The following ANKS1B variants were observed in gnomAD, a reference collection of about 807,000 sequenced individuals.
The protein encoded by ANKS1B is ankyrin repeat and sterile alpha motif domain-containing protein 1B.
Under a neutral mutation model 148.3 loss-of-function variants are expected in ANKS1B, and 36 were observed. That is an observed-to-expected ratio of 0.24 (90% CI 0.19 to 0.32). The LOEUF (loss-of-function observed/expected upper bound fraction) is 0.32, where lower values mean the gene tolerates loss of function less well. Ranked by LOEUF, ANKS1B falls within the 10% of genes least tolerant of loss-of-function variation. The pLI is 1.00. For synonymous variants in ANKS1B, 542 were observed against 560.8 expected, an observed-to-expected ratio of 0.97 and a Z score of 0.47; for missense variants, 1,157 against 1,542.6, an observed-to-expected ratio of 0.75 and a Z score of 4.19.
chr12:99,684,035 C>T (rs1376441216), intron 8 of ANKS1B, among the ~76,000 whole-genome samples: 4 of 151,932 alleles, frequency 2.6e-5, no homozygotes, highest in Admixed American at 1.3e-4. Flanking sequence ...GAGCATTCCC[C>T]CTGAGACCTG....
At chr12:98,970,725 G>A (rs2099882433) in intron 17 of ANKS1B, among the ~76,000 whole-genome samples, 1 of 152,116 alleles carries the variant, frequency 6.6e-6, no homozygotes, top group African/African-American at 2.4e-5. Flanking sequence ...ATATGAAATG[G>A]CTTAGAATGG....
intron 17 of ANKS1B, among the ~76,000 whole-genome samples, chr12:98,887,920 T>C (rs1402527676): frequency 6.6e-6 from 1 of 152,226 alleles, no homozygotes; most frequent in Admixed American, 6.5e-5. Context: ...TAAATTTTAA[T>C]AATTTTTATT....
intron 1 of ANKS1B, among the ~76,000 whole-genome samples, chr12:99,868,218 G>A (rs2153724980): frequency 6.6e-6 from 1 of 152,300 alleles, no homozygotes; most frequent in East Asian, 1.9e-4. Flanking sequence ...TAAATGGAAT[G>A]AGTAAGAAAA....
chr12:99,436,493 A>G (rs1229877187), intron 11 of ANKS1B, among the ~76,000 whole-genome samples: 2 of 151,964 alleles, frequency 1.3e-5, no homozygotes, highest in Non-Finnish European at 2.9e-5. Flanking sequence ...AACCCAATAC[A>G]ATATTCTGTA....
intron 11 of ANKS1B, among the ~76,000 whole-genome samples, chr12:99,429,916 A>T (rs1352035318): frequency 6.6e-6 from 1 of 152,136 alleles, no homozygotes; most frequent in Non-Finnish European, 1.5e-5. Flanking sequence ...GTGAGCCAAG[A>T]TCGTGTCACT....
At chr12:99,841,854 G>A in intron 1 of ANKS1B, among the ~76,000 whole-genome samples, 1 of 151,674 alleles carries the variant, frequency 6.6e-6, no homozygotes, top group Non-Finnish European at 1.5e-5. Flanking sequence ...CCAGTGTTCT[G>A]TATTATTTTT....
intron 8 of ANKS1B, among the ~76,000 whole-genome samples, chr12:99,675,430 TA>T (rs1226927802): frequency 6.6e-6 from 1 of 151,990 alleles, no homozygotes; most frequent in East Asian, 1.9e-4. Flanking sequence ...GTCATTTTAT[TA>T]TTTTAATATG....
chr12:99,883,247 G>T (rs1340227148), intron 1 of ANKS1B, among the ~76,000 whole-genome samples: 1 of 152,030 alleles, frequency 6.6e-6, no homozygotes, highest in East Asian at 1.9e-4. Flanking sequence ...ATGATCAATG[G>T]GTTTTTGACG....
At chr12:99,526,294 C>G (rs1040339644) in intron 9 of ANKS1B, among the ~76,000 whole-genome samples, 1 of 152,170 alleles carries the variant, frequency 6.6e-6, no homozygotes, top group Admixed American at 6.5e-5. Context: ...GATCTTTAGA[C>G]AGCATGGACT....
chr12:99,724,048 T>G (rs1453991025), intron 8 of ANKS1B, among the ~76,000 whole-genome samples: 4 of 145,764 alleles, frequency 2.7e-5, no homozygotes, highest in African/African-American at 1.0e-4. Context: ...TGAGAAAGGA[T>G]CAACAAAAAA....
intron 17 of ANKS1B, among the ~76,000 whole-genome samples, chr12:99,033,915 C>T (rs577366827): frequency 6.6e-6 from 1 of 152,290 alleles, no homozygotes; most frequent in Admixed American, 6.5e-5. Flanking sequence ...GTAGAAAAAG[C>T]TTGAGCAGTA....
intron 11 of ANKS1B, among the ~76,000 whole-genome samples, chr12:99,441,686 T>C (rs2095552662): frequency 6.6e-6 from 1 of 152,116 alleles, no homozygotes; most frequent in African/African-American, 2.4e-5. Flanking sequence ...TTATTTGTTT[T>C]TCTCCTTAAA....
At chr12:99,848,625 G>A (rs2087129383) in intron 1 of ANKS1B, among the ~76,000 whole-genome samples, 1 of 152,084 alleles carries the variant, frequency 6.6e-6, no homozygotes, top group African/African-American at 2.4e-5. Context: ...CTTATTAAAT[G>A]ACGCTGAGTC....
chr12:98,856,532 A>G (rs1429734129), intron 17 of ANKS1B, among the ~76,000 whole-genome samples: 1 of 152,200 alleles, frequency 6.6e-6, no homozygotes, highest in Non-Finnish European at 1.5e-5. Flanking sequence ...ATTTGTTAAC[A>G]AACAGATGAT....
chr12:99,649,237 A>G (rs750439990), intron 9 of ANKS1B: 1 of 1,358,994 alleles, frequency 7.4e-7, no homozygotes. Context: ...ATAGGAAGAG[A>G]AAGGAGATCT....
At chr12:99,429,819 C>A (rs2095333700) in intron 11 of ANKS1B, among the ~76,000 whole-genome samples, 1 of 151,976 alleles carries the variant, frequency 6.6e-6, no homozygotes, top group African/African-American at 2.4e-5. Flanking sequence ...AAAAAATTAG[C>A]CGGGCGTGGT....
intron 17 of ANKS1B, among the ~76,000 whole-genome samples, chr12:98,850,816 T>C (rs2099520619): frequency 6.6e-6 from 1 of 151,146 alleles, no homozygotes. Flanking sequence ...TCTCTCCAAC[T>C]CTCTTTGCCC....
intron 10 of ANKS1B, among the ~76,000 whole-genome samples, chr12:99,485,101 T>C (rs1232836795): frequency 6.6e-6 from 1 of 151,958 alleles, no homozygotes; most frequent in Non-Finnish European, 1.5e-5. Flanking sequence ...TGTCATTGTT[T>C]TATAGGCCTT....
intron 17 of ANKS1B, among the ~76,000 whole-genome samples, chr12:99,000,984 T>TGC (rs998187849): frequency 2.0e-5 from 3 of 152,122 alleles, no homozygotes; most frequent in South Asian, 2.1e-4. Flanking sequence ...TGTGTGTGTG[T>TGC]GCGCGCGTGC....
Sources: gnomAD v4.1 joint callset for allele counts (sites outside exome capture counted in the v4.1 genomes callset) on GRCh38, gnomAD v4.1.1 for gene constraint, MANE v1.5 for transcripts, NCBI Gene and HGNC (gene_info 2026-07-23, HGNC 2026-07-21) for gene names.